The following B3GALT1 variants were observed in gnomAD, a reference collection of about 807,000 sequenced individuals.
The protein encoded by B3GALT1 is UDP-Gal:betaGlcNAc beta 1,3-galactosyltransferase, polypeptide 1.
A neutral mutation model predicts 23.2 loss-of-function variants in B3GALT1; 10 were observed. That is an observed-to-expected ratio of 0.43 (90% confidence interval 0.27 to 0.73). The LOEUF is 0.73. Ranked by LOEUF, B3GALT1 falls within the 30% of genes least tolerant of loss-of-function variation. The pLI, the probability that B3GALT1 is intolerant of heterozygous loss-of-function variation, is 0.21. For synonymous variants in B3GALT1, 156 were observed against 141.5 expected (o/e 1.10, Z -0.73); for missense variants, 299 against 405.4 (o/e 0.74, Z 2.25).
chr2:167,699,901 C>CG (rs1249462465), intron 3 of B3GALT1, among the ~76,000 whole-genome samples: 1 of 152,004 alleles, frequency 6.6e-6, no homozygotes, highest in African/African-American at 2.4e-5. Flanking sequence ...TTAGTGGAGA[C>CG]GGGGTTTCAC....
intron 1 of B3GALT1, among the ~76,000 whole-genome samples, chr2:167,340,102 T>C (rs1374780401): frequency 6.6e-6 from 1 of 152,094 alleles, no homozygotes; most frequent in Non-Finnish European, 1.5e-5. Context: ...GTATGCACTG[T>C]TCAATAAATA....
At chr2:167,478,214 C>G (rs1699512767) in intron 1 of B3GALT1, among the ~76,000 whole-genome samples, 1 of 152,332 alleles carries the variant, frequency 6.6e-6, no homozygotes, top group African/African-American at 2.4e-5. Flanking sequence ...TTTACCTGCT[C>G]TCCCTTCAAC....
intron 2 of B3GALT1, among the ~76,000 whole-genome samples, chr2:167,557,495 C>G (rs1390210223): frequency 1.3e-5 from 2 of 152,096 alleles, no homozygotes; most frequent in African/African-American, 4.8e-5. Flanking sequence ...AACATGATAT[C>G]TTGGATTTCA....
chr2:167,453,996 G>A (rs1025630419), intron 1 of B3GALT1, among the ~76,000 whole-genome samples: 5 of 152,228 alleles, frequency 3.3e-5, no homozygotes, highest in Admixed American at 3.3e-4. Flanking sequence ...CATGGTTACA[G>A]TTCTATTTAT....
At chr2:167,449,214 C>T (rs765693545) in intron 1 of B3GALT1, among the ~76,000 whole-genome samples, 1 of 152,110 alleles carries the variant, frequency 6.6e-6, no homozygotes, top group Non-Finnish European at 1.5e-5. Context: ...AGTAGTGATT[C>T]TACCCATCCA....
intron 3 of B3GALT1, among the ~76,000 whole-genome samples, chr2:167,674,583 T>C (rs140091499): frequency 3.3e-5 from 5 of 152,322 alleles, no homozygotes; most frequent in Non-Finnish European, 5.9e-5. Flanking sequence ...GAGTTCAATT[T>C]GTTCAGAGTT....
chr2:167,496,333 G>T (rs16853644), intron 2 of B3GALT1, among the ~76,000 whole-genome samples: 1 of 152,080 alleles, frequency 6.6e-6, no homozygotes, highest in African/African-American at 2.4e-5. Context: ...TACAGTGAAG[G>T]TTTCTGAGAA....
At chr2:167,812,819 C>T (rs991589705) in intron 3 of B3GALT1, among the ~76,000 whole-genome samples, 4 of 152,126 alleles carry the variant, frequency 2.6e-5, no homozygotes, top group African/African-American at 9.7e-5. Flanking sequence ...CTCTCAATAT[C>T]CCCTGTTTGA....
chr2:167,852,527 A>G (rs2105418439), intron 4 of B3GALT1, among the ~76,000 whole-genome samples: 1 of 150,622 alleles, frequency 6.6e-6, no homozygotes, highest in South Asian at 2.1e-4. Flanking sequence ...ATCTTCCACT[A>G]GGATTATTTT....
chr2:167,490,828 C>G (rs1230127308), intron 2 of B3GALT1, among the ~76,000 whole-genome samples: 3 of 152,076 alleles, frequency 2.0e-5, no homozygotes, highest in African/African-American at 7.2e-5. Flanking sequence ...AGGAGTTTTT[C>G]TTAGGAAAAA....
intron 3 of B3GALT1, among the ~76,000 whole-genome samples, chr2:167,777,112 C>T (rs1688174688): frequency 6.6e-6 from 1 of 152,114 alleles, no homozygotes; most frequent in Non-Finnish European, 1.5e-5. Context: ...AAGTATCAGG[C>T]ATATAGTTGA....
At chr2:167,339,101 T>C (rs932069483) in intron 1 of B3GALT1, among the ~76,000 whole-genome samples, 3 of 152,150 alleles carry the variant, frequency 2.0e-5, no homozygotes, top group Non-Finnish European at 4.4e-5. Flanking sequence ...AATTCTCCTT[T>C]TATGTGTATA....
intron 1 of B3GALT1, among the ~76,000 whole-genome samples, chr2:167,480,455 C>T (rs1371189597): frequency 6.6e-6 from 1 of 152,176 alleles, no homozygotes; most frequent in African/African-American, 2.4e-5. Flanking sequence ...GGTTTCACAG[C>T]TAGGGCTGCC....
chr2:167,657,328 G>A (rs1372234872), intron 3 of B3GALT1, among the ~76,000 whole-genome samples: 1 of 152,064 alleles, frequency 6.6e-6, no homozygotes, highest in African/African-American at 2.4e-5. Context: ...AGAGTATACA[G>A]AGAGAGAAAA....
At chr2:167,714,165 A>G (rs1687106208) in intron 3 of B3GALT1, 1 of 1,519,110 alleles carries the variant, frequency 6.6e-7, no homozygotes, top group African/African-American at 1.4e-5. Flanking sequence ...GCTGGTCCAG[A>G]CAGTCTATCA....
intron 2 of B3GALT1, among the ~76,000 whole-genome samples, chr2:167,561,373 C>G (rs1170269593): frequency 1.3e-5 from 2 of 152,000 alleles, no homozygotes; most frequent in Non-Finnish European, 1.5e-5. Flanking sequence ...AAAATTGACA[C>G]CCTAACATCA....
intron 1 of B3GALT1, among the ~76,000 whole-genome samples, chr2:167,403,493 C>T (rs1308708083): frequency 6.6e-6 from 1 of 151,234 alleles, no homozygotes; most frequent in Non-Finnish European, 1.5e-5. Context: ...ACGTGCAGAG[C>T]ACCATGTTTA....
intron 1 of B3GALT1, among the ~76,000 whole-genome samples, chr2:167,437,606 T>G (rs1283392994): frequency 2.0e-5 from 3 of 152,242 alleles, no homozygotes; most frequent in Non-Finnish European, 4.4e-5. Context: ...AATAATACCT[T>G]ATTTATGAAT....
chr2:167,363,984 C>G (rs1697543253), intron 1 of B3GALT1, among the ~76,000 whole-genome samples: 1 of 151,768 alleles, frequency 6.6e-6, no homozygotes, highest in Non-Finnish European at 1.5e-5. Flanking sequence ...CATGGTGAAA[C>G]CCCGTCTCTA....
Sources: gnomAD v4.1 joint callset for allele counts (sites outside exome capture counted in the v4.1 genomes callset) on GRCh38, gnomAD v4.1.1 for gene constraint, MANE v1.5 for transcripts, NCBI Gene and HGNC (gene_info 2026-07-23, HGNC 2026-07-21) for gene names.